Variants in SPEF2 observed in about 807,000 individuals in gnomAD.
SPEF2 encodes the protein sperm flagellar and cilia associated 2.
SPEF2 carries 187 observed loss-of-function variants against 224.6 expected under a neutral mutation model. The ratio of observed to expected loss-of-function variants is 0.83; its 90% CI spans 0.74 to 0.94. The LOEUF is 0.94. SPEF2 is among the 40% of genes least tolerant of loss of function. The probability of loss-of-function intolerance (pLI) is 0.00; values close to 1 mark genes in which losing one functional copy is unlikely to be tolerated. For synonymous variants in SPEF2, 715 were observed against 707.3 expected (o/e 1.01, Z -0.17); for missense variants, 2,170 against 2,135.6 (o/e 1.02, Z -0.32).
chr5:35,801,039 T>G (rs1259055575), intron 34 of SPEF2, among the ~76,000 whole-genome samples: 1 of 152,132 alleles, frequency 6.6e-6, no homozygotes, highest in African/African-American at 2.4e-5. Context: ...GACAGAAAGA[T>G]CTCCTTCCCA....
At chr5:35,770,234 C>G (rs987974159) in intron 26 of SPEF2, among the ~76,000 whole-genome samples, 1 of 152,000 alleles carries the variant, frequency 6.6e-6, no homozygotes. Flanking sequence ...TCTTAATTTA[C>G]AAATAATAAT....
At chr5:35,688,062 TA>T (rs1475654088) in intron 10 of SPEF2, among the ~76,000 whole-genome samples, 2 of 152,128 alleles carry the variant, frequency 1.3e-5, no homozygotes, top group Non-Finnish European at 2.9e-5. Flanking sequence ...GCTCAAGAAG[TA>T]GGCTCAAGGT....
At chr5:35,792,648 A>G (rs756463363) in intron 31 of SPEF2, among the ~76,000 whole-genome samples, 4 of 152,222 alleles carry the variant, frequency 2.6e-5, no homozygotes, top group Non-Finnish European at 5.9e-5. Flanking sequence ...ATAAGTGATG[A>G]TCTGTCAGTG....
At chr5:35,638,064 G>A (rs115254722) in intron 2 of SPEF2, among the ~76,000 whole-genome samples, 1,605 of 152,168 alleles carry the variant, frequency 0.011, 24 homozygotes, top group African/African-American at 0.038. Context: ...TTCTTTATCT[G>A]TGTTTCACAT....
chr5:35,798,830 G>A (rs912096948), intron 33 of SPEF2, among the ~76,000 whole-genome samples: 1 of 151,766 alleles, frequency 6.6e-6, no homozygotes, highest in Non-Finnish European at 1.5e-5. Context: ...TGTTGGAGTT[G>A]GAGTGATCTG....
At chr5:35,628,606 T>G (rs1744613594) in intron 2 of SPEF2, 44 bp downstream of exon 2, 1 of 1,406,760 alleles carries the variant, frequency 7.1e-7, no homozygotes, top group African/African-American at 1.4e-5. Context: ...TGTTTATTTG[T>G]TTTGAGACAA....
At chr5:35,803,920 G>T (rs527803265) in intron 34 of SPEF2, among the ~76,000 whole-genome samples, 1 of 152,320 alleles carries the variant, frequency 6.6e-6, no homozygotes, top group Non-Finnish European at 1.5e-5. Flanking sequence ...TAATTTAAAA[G>T]AAACTTAAAA....
intron 15 of SPEF2, 68 bp from the exon 16 acceptor site, chr5:35,700,428 T>C: frequency 7.3e-7 from 1 of 1,377,530 alleles, no homozygotes; most frequent in Non-Finnish European, 1.0e-6. Context: ...AAAGGAAAGA[T>C]TCATCATAGT....
At position 35,670,114 on chromosome 5, in the gene SPEF2, C is replaced by G. The variant is rs1372861841; in HGVS notation, c.1411C>G (p.Pro471Ala). Reference protein sequence around the residue: ...DWKELFFNAKPIYEQASVKTL... With the variant: ...DWKELFFNAKAIYEQASVKTL... ...GAAGGAACTATTTTTTAATGCAAAA[C>G]CCATATATGAACAAGCCTCTGTTAA... is the stretch of plus-strand genomic sequence containing the variant. The change falls in exon 10 of 37, where the codon CCC (proline) becomes GCC (alanine). Residue 471 changes from proline to alanine, a missense_variant. Transcript: ENST00000356031. The G allele has an allele frequency of 1.2e-6, 2 of 1,611,142 alleles. No individual in the cohort carries two copies. Among genetic ancestry groups the G allele is most frequent in the East Asian group, 4.5e-5 (2 of 44,716 alleles).
chr5:35,649,362 A>G lies in SPEF2; in HGVS notation c.728A>G (p.Asp243Gly), dbSNP rs1747863633. 1.9e-6 allele frequency: 3 copies of G among 1,610,840 alleles called. No homozygotes were observed. ...ACTGATGATGAATTTTCTTTAAAGG[A>G]TGTGGCTGATGAAATTAAGAAGTTC... ...KMMKKKKEAEDVADEIKKFEA... is the reference protein window; with the variant it reads ...KMMKKKKEAEGVADEIKKFEA... Residue 243 changes from aspartate to glycine, a missense_variant and splice_region_variant, in exon 6 of 37, where the codon GAT (aspartate) becomes GGT (glycine). By Grantham distance (94) the Asp-to-Gly change is moderately conservative. Coordinates refer to ENST00000356031, the MANE Select transcript of SPEF2 (RefSeq NM_024867.4).
chr5:35,699,120 T>A (rs1280338962), intron 15 of SPEF2: 2 of 152,196 alleles, frequency 1.3e-5, no homozygotes, highest in Non-Finnish European at 2.9e-5. Flanking sequence ...GTTTCGTGAC[T>A]TTGAACAATA....
chr5:35,662,552 T>C (rs1749887135), intron 8 of SPEF2, among the ~76,000 whole-genome samples: 2 of 152,230 alleles, frequency 1.3e-5, no homozygotes, highest in Admixed American at 1.3e-4. Flanking sequence ...AGGGTTTTTA[T>C]AGCTTTGGGT....
At chr5:35,806,592 G>A in intron 34 of SPEF2, 115 bp from the exon 35 acceptor site, 1 of 1,328,882 alleles carries the variant, frequency 7.5e-7, no homozygotes. Context: ...CTAGTTTGTG[G>A]TAGGCTCTGT....
intron 27 of SPEF2, among the ~76,000 whole-genome samples, chr5:35,772,859 C>T (rs775102766): frequency 5.9e-5 from 9 of 152,226 alleles, no homozygotes; most frequent in Non-Finnish European, 7.4e-5. Flanking sequence ...CAACATATTA[C>T]GATTTCTTTG....
At position 35,814,504 on chromosome 5, in the gene SPEF2, G is replaced by T. The variant is rs755690345; in HGVS notation, c.5420G>T (p.Gly1807Val). 6.2e-7 allele frequency: 1 copy of T among 1,609,248 alleles called. No homozygotes were observed. The highest frequency in any genetic ancestry group is 8.5e-7 in the Non-Finnish European group (1 of 1,177,288). The change falls in exon 37 of 37, where the codon GGA becomes GTA. Residue 1807 changes from glycine to valine, a missense_variant. Coordinates refer to ENST00000356031, the MANE Select transcript of SPEF2 (RefSeq NM_024867.4). ...IILQRSEHVQ[G>V]SDGERSPSRH... ...CTCCAAAGGAGTGAACATGTACAAGGAAGTGATGGAGAGAGATCACCTTCA... is the reference window on the plus strand; with the variant it reads ...CTCCAAAGGAGTGAACATGTACAAGTAAGTGATGGAGAGAGATCACCTTCA...
chr5:35,743,290 T>G (rs1747971313), intron 23 of SPEF2, among the ~76,000 whole-genome samples: 1 of 151,968 alleles, frequency 6.6e-6, no homozygotes, highest in Non-Finnish European at 1.5e-5. Context: ...AAATTTAAAA[T>G]TTGGAAATAA....
At chr5:35,679,720 G>C (rs1752527814) in intron 10 of SPEF2, among the ~76,000 whole-genome samples, 1 of 152,166 alleles carries the variant, frequency 6.6e-6, no homozygotes, top group Admixed American at 6.5e-5. Flanking sequence ...ACTCAGCCCA[G>C]GTGCTTGGAT....
intron 24 of SPEF2, among the ~76,000 whole-genome samples, chr5:35,759,086 A>G (rs1750863755): frequency 1.3e-5 from 2 of 151,200 alleles, no homozygotes; most frequent in South Asian, 2.1e-4. Context: ...CTCCACAGCT[A>G]AAGTTGTTCT....
chr5:35,654,635 G>T lies in SPEF2; in HGVS notation c.887G>T (p.Arg296Leu). 1 of 1,613,680 alleles carries T rather than the reference G, an allele frequency of 6.2e-7. No individual in the cohort carries two copies. The highest frequency in any genetic ancestry group is 1.7e-4 in the Middle Eastern group (1 of 6,060). The change falls in exon 7 of 37, where the codon CGC becomes CTC. Residue 296 changes from arginine to leucine, a missense_variant. Arg to Leu is a moderately radical substitution (Grantham distance 102, BLOSUM62 -2). Coordinates refer to ENST00000356031, the MANE Select transcript of SPEF2 (RefSeq NM_024867.4). ...DDEYIKKIQK[R>L]LEEDAFAREQ... ...GAGTACATTAAAAAAATCCAGAAGC[G>T]CCTTGAAGAAGATGCTTTTGCACGA...
Sources: gnomAD v4.1 joint callset for allele counts (sites outside exome capture counted in the v4.1 genomes callset) on GRCh38, gnomAD v4.1.1 for gene constraint, MANE v1.5 for transcripts, NCBI Gene and HGNC (gene_info 2026-07-23, HGNC 2026-07-21) for gene names.